Variants in LRMDA observed in about 807,000 individuals in gnomAD.
LRMDA encodes the protein leucine rich melanocyte differentiation associated, also known as leucine-rich melanocyte differentiation-associated protein.
LRMDA carries 18 observed loss-of-function variants against 29.8 expected under a neutral mutation model. That is an observed-to-expected ratio of 0.60 (90% CI 0.42 to 0.90). The LOEUF is 0.90. Among genes scored for constraint, LRMDA ranks in the 40% least tolerant of loss-of-function variants. The probability of loss-of-function intolerance (pLI) is 0.00; values close to 1 mark genes in which losing one functional copy is unlikely to be tolerated. For synonymous variants in LRMDA, 125 were observed against 109.4 expected, an observed-to-expected ratio of 1.14 and a Z score of -0.89; for missense variants, 273 against 273.9, an observed-to-expected ratio of 1.00 and a Z score of 0.02.
chr10:76,098,798 C>T (rs1849353265), intron 5 of LRMDA, among the ~76,000 whole-genome samples: 1 of 152,204 alleles, frequency 6.6e-6, no homozygotes, highest in Non-Finnish European at 1.5e-5. Flanking sequence ...CAATCAGTCT[C>T]TCCAAGCATT....
At chr10:76,078,310 A>G (rs1353490170) in intron 5 of LRMDA, among the ~76,000 whole-genome samples, 3 of 151,764 alleles carry the variant, frequency 2.0e-5, no homozygotes, top group South Asian at 2.1e-4. Context: ...CTCCCGGCCA[A>G]TATTAACTCT....
intron 1 of LRMDA, among the ~76,000 whole-genome samples, chr10:75,436,349 A>G (rs1844263779): frequency 6.6e-6 from 1 of 152,156 alleles, no homozygotes. Flanking sequence ...TATATCACAG[A>G]GGTCTTGACT....
At chr10:75,610,084 A>G (rs1287610445) in intron 2 of LRMDA, among the ~76,000 whole-genome samples, 1 of 152,164 alleles carries the variant, frequency 6.6e-6, no homozygotes, top group Non-Finnish European at 1.5e-5. Flanking sequence ...TTTAAAAAAG[A>G]AATACAGCTT....
At chr10:75,449,736 A>G (rs1352541412) in intron 2 of LRMDA, among the ~76,000 whole-genome samples, 2 of 152,128 alleles carry the variant, frequency 1.3e-5, no homozygotes, top group African/African-American at 4.8e-5. Flanking sequence ...GGAGTTTCCC[A>G]GAGAACTTAT....
At chr10:76,136,770 C>A (rs1054439475) in intron 5 of LRMDA, among the ~76,000 whole-genome samples, 2 of 152,102 alleles carry the variant, frequency 1.3e-5, no homozygotes, top group African/African-American at 4.8e-5. Context: ...TTTTTAAAAT[C>A]CGATACAGTC....
chr10:76,387,652 C>T (rs948647114), intron 6 of LRMDA, among the ~76,000 whole-genome samples: 3 of 150,176 alleles, frequency 2.0e-5, no homozygotes, highest in Non-Finnish European at 3.0e-5. Context: ...ATTTAACCCA[C>T]AAAAATAAGT....
intron 2 of LRMDA, among the ~76,000 whole-genome samples, chr10:75,925,342 G>A (rs914307287): frequency 3.3e-5 from 5 of 152,186 alleles, no homozygotes; most frequent in Admixed American, 1.3e-4. Context: ...ATCAGGCCTC[G>A]GAGTACTTTC....
chr10:76,408,180 T>C (rs1841922238), intron 6 of LRMDA, among the ~76,000 whole-genome samples: 1 of 152,170 alleles, frequency 6.6e-6, no homozygotes, highest in African/African-American at 2.4e-5. Flanking sequence ...GAACATACAA[T>C]GAAATTTCTC....
At chr10:76,338,592 A>T (rs988950085) in intron 6 of LRMDA, among the ~76,000 whole-genome samples, 5 of 152,124 alleles carry the variant, frequency 3.3e-5, no homozygotes, top group Non-Finnish European at 5.9e-5. Context: ...GGCAGTAAGT[A>T]TGAGTGATTG....
At chr10:76,113,065 T>C (rs1316986663) in intron 5 of LRMDA, among the ~76,000 whole-genome samples, 3 of 152,190 alleles carry the variant, frequency 2.0e-5, no homozygotes, top group African/African-American at 4.8e-5. Flanking sequence ...TTCCTCCTGT[T>C]AGTCCGAGCA....
intron 2 of LRMDA, among the ~76,000 whole-genome samples, chr10:75,695,341 A>AT (rs1257405119): frequency 6.6e-6 from 1 of 151,912 alleles, no homozygotes; most frequent in Non-Finnish European, 1.5e-5. Flanking sequence ...AATTGCTTTA[A>AT]TTTTACCCTT....
At chr10:76,341,664 T>C (rs1039605638) in intron 6 of LRMDA, among the ~76,000 whole-genome samples, 8 of 152,184 alleles carry the variant, frequency 5.3e-5, no homozygotes, top group African/African-American at 1.9e-4. Context: ...AATAAAAGAC[T>C]TGAAGCCTGG....
intron 2 of LRMDA, among the ~76,000 whole-genome samples, chr10:75,972,092 A>T (rs1846983485): frequency 6.6e-6 from 1 of 152,216 alleles, no homozygotes; most frequent in Non-Finnish European, 1.5e-5. Context: ...GTATCGCTTC[A>T]GCTGTTTTCT....
intron 6 of LRMDA, among the ~76,000 whole-genome samples, chr10:76,550,677 AAGGT>A (rs1453769895): frequency 6.6e-6 from 1 of 152,044 alleles, no homozygotes. Context: ...TCCCCTGGGT[AAGGT>A]GTAGAGCCTT....
chr10:76,023,299 A>G (rs1275129738), intron 2 of LRMDA, among the ~76,000 whole-genome samples: 1 of 152,022 alleles, frequency 6.6e-6, no homozygotes, highest in Admixed American at 6.6e-5. Context: ...TTTGCCTCTC[A>G]TTTCCTAGTT....
intron 2 of LRMDA, among the ~76,000 whole-genome samples, chr10:75,853,131 G>A (rs1216183472): frequency 6.6e-6 from 1 of 152,052 alleles, no homozygotes; most frequent in Non-Finnish European, 1.5e-5. Flanking sequence ...CGACACATGG[G>A]GATTATGGGA....
intron 2 of LRMDA, among the ~76,000 whole-genome samples, chr10:75,850,336 G>T (rs1350604898): frequency 3.3e-5 from 5 of 152,132 alleles, no homozygotes; most frequent in Admixed American, 3.3e-4. Context: ...GTAAATGATG[G>T]AGTCTTTTAT....
intron 6 of LRMDA, among the ~76,000 whole-genome samples, chr10:76,431,546 T>A (rs1219275914): frequency 6.6e-6 from 1 of 152,218 alleles, no homozygotes; most frequent in East Asian, 1.9e-4. Context: ...GTGACAATAA[T>A]GGTGCCTTGC....
intron 4 of LRMDA, among the ~76,000 whole-genome samples, chr10:76,049,904 A>G (rs1392168536): frequency 6.6e-6 from 1 of 152,140 alleles, no homozygotes; most frequent in Admixed American, 6.5e-5. Flanking sequence ...AATGAATGCT[A>G]TTTCTAGAGT....
Sources: gnomAD v4.1 joint callset for allele counts (sites outside exome capture counted in the v4.1 genomes callset) on GRCh38, gnomAD v4.1.1 for gene constraint, MANE v1.5 for transcripts, NCBI Gene and HGNC (gene_info 2026-07-23, HGNC 2026-07-21) for gene names.